Variants in PCDHA3 observed in about 807,000 individuals in gnomAD.
PCDHA3 encodes the protein protocadherin alpha 3.
A neutral mutation model predicts 62.2 loss-of-function variants in PCDHA3; 41 were observed. The ratio of observed to expected loss-of-function variants is 0.66; its 90% CI spans 0.51 to 0.86. PCDHA3 has a LOEUF of 0.86. PCDHA3 is among the 40% of genes least tolerant of loss of function. PCDHA3 has a pLI of 0.00. For missense variants in PCDHA3, 1,304 were observed against 1,241.2 expected (o/e 1.05, Z -0.76); for synonymous variants, 640 against 555.4 (o/e 1.15, Z -2.14).
chr5:140,864,460 T>C (rs2048484111), intron 1 of PCDHA3: 1 of 152,246 alleles, frequency 6.6e-6, no homozygotes, highest in African/African-American at 2.4e-5. Flanking sequence ...AATATCCATC[T>C]TTTTTGAGAT....
rs1254354370 is a variant in PCDHA3, at chr5:140,853,174, T to C, written c.2394+49583T>C. Reference sequence around the variant, plus strand: ...GATTACAGGCGTGAGCCACCGCGCCTGGCCTAAAATGTGTTCTTTATTATT... The same window carrying C: ...GATTACAGGCGTGAGCCACCGCGCCCGGCCTAAAATGTGTTCTTTATTATT... On this transcript the variant is annotated intron_variant, in intron 1 of 3. Coordinates refer to ENST00000522353, the MANE Select transcript of PCDHA3 (RefSeq NM_018906.3). 56 of 970,124 alleles carry C rather than the reference T, an allele frequency of 5.8e-5. 5 individuals carry two copies. Among genetic ancestry groups the C allele is most frequent in the Non-Finnish European group, 6.7e-5 (54 of 803,994 alleles). 60.1% of individuals were successfully genotyped at this position (970,124 alleles called of 1,614,324 possible). A position where few individuals can be genotyped will look rare whatever the true frequency, so the allele number is the denominator to read the frequency against.
At position 140,836,457 on chromosome 5, in the gene PCDHA3, G is replaced by T. The variant is rs2150261358; in HGVS notation, c.2394+32866G>T. The stretch of plus-strand genomic sequence containing the variant: ...GTTGGGCATTGCAGGCCCAGAGACC[G>T]AGCTGGTGGATGTCAACGTGTACCT... On this transcript the variant is annotated intron_variant, in intron 1 of 3. Coordinates refer to ENST00000522353, the MANE Select transcript of PCDHA3 (RefSeq NM_018906.3). The T allele has an allele frequency of 1.5e-5, 25 of 1,613,812 alleles. No homozygotes were observed. The African/African-American group carries it at 3.1e-4, about 20-fold the overall frequency.
intron 1 of PCDHA3, among the ~76,000 whole-genome samples, chr5:140,817,794 G>A (rs1031395082): frequency 6.6e-6 from 1 of 152,164 alleles, no homozygotes; most frequent in Admixed American, 6.5e-5. Flanking sequence ...TGCTGGTAAA[G>A]AAACCTTTAC....
intron 1 of PCDHA3, among the ~76,000 whole-genome samples, chr5:140,963,667 T>G (rs1206076549): frequency 3.9e-5 from 6 of 152,238 alleles, no homozygotes; most frequent in African/African-American, 1.4e-4. Context: ...CTATATGGCA[T>G]AGTTAAATGT....
chr5:140,861,433 C>T (rs1177274871), intron 1 of PCDHA3: 1 of 489,666 alleles, frequency 2.0e-6, no homozygotes, highest in Non-Finnish European at 4.2e-6. Context: ...CAGTTGGATT[C>T]CAAAAGCCGC....
At chr5:140,967,585 C>T (rs1278675624) in intron 1 of PCDHA3, 1 of 1,614,152 alleles carries the variant, frequency 6.2e-7, no homozygotes, top group Non-Finnish European at 8.5e-7. Flanking sequence ...CACCCCCAGG[C>T]ACATTGGTGG....
At chr5:140,838,830 G>A (rs562018210) in intron 1 of PCDHA3, among the ~76,000 whole-genome samples, 1 of 151,882 alleles carries the variant, frequency 6.6e-6, no homozygotes, top group African/African-American at 2.4e-5. Context: ...ACTGAGGTGG[G>A]AGGATCACTT....
chr5:140,995,388 A>G (rs1467282798), intron 3 of PCDHA3, among the ~76,000 whole-genome samples: 1 of 152,208 alleles, frequency 6.6e-6, no homozygotes. Flanking sequence ...GGCAGGATAA[A>G]GCGGGATGGC....
chr5:140,830,257 G>T (rs1581901410), intron 1 of PCDHA3: 1 of 1,613,574 alleles, frequency 6.2e-7, no homozygotes, highest in Admixed American at 1.7e-5. Flanking sequence ...CAGCGCTGCG[G>T]TGCTCGGCGC....
intron 1 of PCDHA3, among the ~76,000 whole-genome samples, chr5:140,900,835 C>A (rs1023887892): frequency 1.3e-5 from 2 of 152,150 alleles, no homozygotes; most frequent in African/African-American, 4.8e-5. Flanking sequence ...CAACAATGTA[C>A]AAAGTTTCCC....
Position 140,802,226 on chromosome 5 carries a change from C to G in PCDHA3, c.1029C>G (p.Ile343Met). 1.2e-6 allele frequency: 2 copies of G among 1,614,174 alleles called. No individual in the cohort carries two copies. Among genetic ancestry groups the G allele is most frequent in the Non-Finnish European group, 1.7e-6 (2 of 1,180,028 alleles). Residue 343 changes from isoleucine (I) to methionine (M), a missense_variant, in exon 1 of 4, where the codon ATC becomes ATG. Transcript: ENST00000522353. ...HCTVLLEIVDINDNVPELVIQ... is the reference protein window; with the variant it reads ...HCTVLLEIVDMNDNVPELVIQ... ...CAGTTCTACTCGAAATTGTGGACAT[C>G]AATGATAATGTACCTGAGTTAGTTA...
In PCDHA3 at chr5:140,839,940, AAGG is replaced by A. The variant is rs1354823324; in HGVS notation, c.2394+36352_2394+36354del. ...AACCTTGAACAAAGAGTGTGCCAAG[AAGG>A]AGACAACATATTTTCTGTAAAATAT... is the stretch of plus-strand genomic sequence containing the variant. On this transcript the variant is annotated intron_variant, in intron 1 of 3. Coordinates refer to ENST00000522353, the MANE Select transcript of PCDHA3 (RefSeq NM_018906.3). Among the ~76,000 whole-genome samples the A allele has an allele frequency of 2.0e-5, 3 of 152,174 alleles. No homozygotes were observed. In the East Asian group the frequency reaches 5.8e-4, roughly 29 times the overall value.
intron 1 of PCDHA3, among the ~76,000 whole-genome samples, chr5:140,947,506 A>C (rs1034178009): frequency 6.6e-6 from 1 of 151,700 alleles, no homozygotes; most frequent in Non-Finnish European, 1.5e-5. Flanking sequence ...TTAAATTTTC[A>C]TATAAATTTT....
intron 1 of PCDHA3, among the ~76,000 whole-genome samples, chr5:140,900,093 C>T (rs559553399): frequency 1.6e-4 from 24 of 152,202 alleles, no homozygotes; most frequent in Middle Eastern, 3.4e-3. Flanking sequence ...TACAAGCATG[C>T]GCCACCATAC....
At position 140,802,864 on chromosome 5, in the gene PCDHA3, T is replaced by C. The variant is rs1763048911; in HGVS notation, c.1667T>C (p.Leu556Pro). 1.2e-6 allele frequency: 2 copies of C among 1,613,510 alleles called. No individual in the cohort carries two copies. Among genetic ancestry groups the C allele is most frequent in the African/African-American group, 1.3e-5 (1 of 74,982 alleles). ...GSNVTLQVFV[L>P]DENDNAPALL... ...AACGTGACGCTGCAGGTGTTCGTGC[T>C]GGACGAGAACGACAACGCGCCGGCA... Residue 556 changes from leucine to proline, a missense_variant, in exon 1 of 4, where the codon CTG becomes CCG. Transcript: ENST00000522353.
chr5:140,864,689 C>A (rs970922865), intron 1 of PCDHA3: 4 of 152,202 alleles, frequency 2.6e-5, no homozygotes, highest in African/African-American at 7.2e-5. Context: ...TGCTGTCCTC[C>A]AGTTTAAGTT....
At chr5:140,968,946 GCAT>G in intron 1 of PCDHA3, 4 of 1,614,172 alleles carry the variant, frequency 2.5e-6, no homozygotes, top group Non-Finnish European at 3.4e-6. Flanking sequence ...ATCATTTTGA[GCAT>G]CATCAAGTGC....
At position 140,851,173 on chromosome 5, in the gene PCDHA3, A is replaced by C. The variant is rs1392883501; in HGVS notation, c.2394+47582A>C. Reference sequence around the variant, plus strand: ...ATTTCTGATGCTATGCTGCCATAACACTTGAAAACCAATTTAGTTGTTAGT... The same window carrying C: ...ATTTCTGATGCTATGCTGCCATAACCCTTGAAAACCAATTTAGTTGTTAGT... On this transcript the variant is annotated intron_variant, in intron 1 of 3. Coordinates refer to ENST00000522353, the MANE Select transcript of PCDHA3 (RefSeq NM_018906.3). The C allele has an allele frequency of 5.1e-5, 64 of 1,267,254 alleles. 8 individuals carry two copies. The highest frequency in any genetic ancestry group is 6.0e-5 in the Non-Finnish European group (59 of 985,446). 78.5% of individuals were successfully genotyped at this position (1,267,254 alleles called of 1,614,324 possible).
chr5:140,849,863 G>T (rs2150454576), intron 1 of PCDHA3: 1 of 1,598,620 alleles, frequency 6.3e-7, no homozygotes, highest in East Asian at 2.2e-5. Flanking sequence ...CAGCGTTCGC[G>T]CAGTCCGAGT....
Sources: gnomAD v4.1 joint callset for allele counts (sites outside exome capture counted in the v4.1 genomes callset) on GRCh38, gnomAD v4.1.1 for gene constraint, MANE v1.5 for transcripts, NCBI Gene and HGNC (gene_info 2026-07-23, HGNC 2026-07-21) for gene names.